Variants in NPLOC4 observed in about 807,000 individuals in gnomAD.
The protein encoded by NPLOC4 is NPL4 homolog, ubiquitin recognition factor.
A neutral mutation model predicts 80.6 loss-of-function variants in NPLOC4; 18 were observed. That is an observed-to-expected ratio of 0.22 (90% CI 0.15 to 0.33). The LOEUF (loss-of-function observed/expected upper bound fraction) is 0.33, where lower values mean the gene tolerates loss of function less well. Ranked by LOEUF, NPLOC4 falls within the 10% of genes least tolerant of loss-of-function variation. The probability of loss-of-function intolerance (pLI) is 1.00; values close to 1 mark genes in which losing one functional copy is unlikely to be tolerated. For synonymous variants in NPLOC4, 313 were observed against 301.5 expected, an observed-to-expected ratio of 1.04 and a Z score of -0.39; for missense variants, 540 against 786.1, an observed-to-expected ratio of 0.69 and a Z score of 3.74.
In NPLOC4 at chr17:81,567,491, A is replaced by G; in HGVS notation, c.1492T>C (p.Ser498Pro). ...LATYLSQNTSSVFLDTISDFH... is the reference protein window; with the variant it reads ...LATYLSQNTSPVFLDTISDFH... ...TCTGAGATGGTATCCAAGAACACAG[A>G]TGAGGTATTCTGAGACAAATAGGTG... is the stretch of plus-strand genomic sequence containing the variant. The change falls in exon 15 of 17, where the codon TCT becomes CCT. Residue 498 changes from serine to proline, a missense_variant. Physicochemically the swap from Ser to Pro is moderately conservative, Grantham distance 74. Coordinates refer to ENST00000331134, the MANE Select transcript of NPLOC4 (RefSeq NM_017921.4). This position sits in a 1 kb window ranked among gnomAD's most constrained non-coding sequence, Gnocchi z 4.5. 6.2e-7 allele frequency: 1 copy of G among 1,613,706 alleles called. No individual in the cohort carries two copies. Among genetic ancestry groups the G allele is most frequent in the Middle Eastern group, 1.6e-4 (1 of 6,062 alleles).
chr17:81,597,947 T>C (rs2034961515), intron 9 of NPLOC4, among the ~76,000 whole-genome samples: 2 of 150,420 alleles, frequency 1.3e-5, no homozygotes, highest in Admixed American at 1.3e-4. Flanking sequence ...AGAAAAAAAT[T>C]AGCCGGGCGT....
intron 8 of NPLOC4, among the ~76,000 whole-genome samples, chr17:81,602,920 T>TACAC (rs2035097596): frequency 2.3e-5 from 3 of 131,936 alleles, no homozygotes; most frequent in Non-Finnish European, 3.2e-5. Context: ...TATATGTATA[T>TACAC]ATACACACAC....
At chr17:81,612,462 G>A (rs984832577) in intron 4 of NPLOC4, among the ~76,000 whole-genome samples, 4 of 152,188 alleles carry the variant, frequency 2.6e-5, no homozygotes, top group South Asian at 2.1e-4. Flanking sequence ...GAGGCATGCC[G>A]GCTAATGGCT....
chr17:81,614,751 C>A (rs2035435318), intron 3 of NPLOC4, among the ~76,000 whole-genome samples: 1 of 152,210 alleles, frequency 6.6e-6, no homozygotes, highest in Admixed American at 6.5e-5. Context: ...TAACAAGCAT[C>A]TCCACTCACA....
intron 3 of NPLOC4, among the ~76,000 whole-genome samples, chr17:81,615,957 C>G (rs1407972891): frequency 6.6e-6 from 1 of 152,276 alleles, no homozygotes; most frequent in East Asian, 1.9e-4. Context: ...GAAATTAACT[C>G]AAAGGAGTTG....
intron 5 of NPLOC4, among the ~76,000 whole-genome samples, chr17:81,609,900 C>T (rs1451103223): frequency 6.6e-6 from 1 of 152,164 alleles, no homozygotes. Context: ...GCACGGAGGC[C>T]GACAGGCTCA....
chr17:81,593,341 C>T (rs761490925), intron 11 of NPLOC4, among the ~76,000 whole-genome samples: 1 of 152,080 alleles, frequency 6.6e-6, no homozygotes, highest in African/African-American at 2.4e-5. Flanking sequence ...CTGGACCCAG[C>T]CCTGTGCTCA....
chr17:81,588,930 T>A lies in NPLOC4; in HGVS notation c.1281+14A>T, dbSNP rs1568134551. 1 of 1,608,246 alleles carries A rather than the reference T, an allele frequency of 6.2e-7. No individual in the cohort carries two copies. Reference sequence around the variant, plus strand: ...TCTCCATGTACAGAGTTCTTTTTCTTACCATACTTTTACCTTATAAAACAC... The same window carrying A: ...TCTCCATGTACAGAGTTCTTTTTCTAACCATACTTTTACCTTATAAAACAC... On this transcript the variant is annotated intron_variant, in intron 12 of 16. Transcript: ENST00000331134.
At chr17:81,593,848 CCCCACGACAG>C (rs1165081340) in intron 11 of NPLOC4, among the ~76,000 whole-genome samples, 1 of 152,112 alleles carries the variant, frequency 6.6e-6, no homozygotes, top group Non-Finnish European at 1.5e-5. Context: ...ACCCTGAGTC[CCCCACGACAG>C]CACCCTTCCC....
chr17:81,631,441 T>A (rs1390622769), intron 1 of NPLOC4, among the ~76,000 whole-genome samples: 22,909 of 57,120 alleles, frequency 0.4, 2,776 homozygotes, highest in East Asian at 0.56. Flanking sequence ...TATATATTTT[T>A]TTTTTTTTTT....
At chr17:81,601,733 C>T (rs1323435161) in intron 8 of NPLOC4, among the ~76,000 whole-genome samples, 1 of 152,110 alleles carries the variant, frequency 6.6e-6, no homozygotes, top group Non-Finnish European at 1.5e-5. Context: ...TTTAAAAGAA[C>T]CATGGCAAAG....
At position 81,569,116 on chromosome 17, in the gene NPLOC4, TGAA is replaced by T; in HGVS notation, c.1354-8_1354-6del. Reference sequence around the variant, plus strand: ...CTTGGGGAAAGTTGTTGTGATCTAATGAAGAAAAACACAAACCCATGATAAATG... The same window carrying T: ...CTTGGGGAAAGTTGTTGTGATCTAATGAAAAACACAAACCCATGATAAATG... On this transcript the variant is annotated splice_polypyrimidine_tract_variant and splice_region_variant and intron_variant, in intron 13 of 16. Coordinates refer to ENST00000331134, the MANE Select transcript of NPLOC4 (RefSeq NM_017921.4). The T allele has an allele frequency of 6.3e-7, 1 of 1,597,406 alleles. No individual in the cohort carries two copies.
chr17:81,580,740 C>T lies in NPLOC4; in HGVS notation c.1281+8204G>A, dbSNP rs896241151. Among the ~76,000 whole-genome samples, 3 of 152,246 alleles carry T rather than the reference C, an allele frequency of 2.0e-5. No homozygotes were observed. Among genetic ancestry groups the T allele is most frequent in the Admixed American group, 2.0e-4 (3 of 15,292 alleles). On this transcript the variant is annotated intron_variant, in intron 12 of 16. Transcript: ENST00000331134. This position sits in a 1 kb window ranked among gnomAD's most constrained non-coding sequence, Gnocchi z 4.4. ...AGCAGTCTCCCCGATGCAGGGAGCC[C>T]TTCTCCATTCTCCATGAACTCCAGG...
At chr17:81,624,279 G>C (rs953528697) in intron 2 of NPLOC4, among the ~76,000 whole-genome samples, 6 of 152,152 alleles carry the variant, frequency 3.9e-5, no homozygotes, top group African/African-American at 1.4e-4. Flanking sequence ...TTAGCTAGGC[G>C]TGGTGGCGGA....
chr17:81,584,359 C>T (rs1598634800), intron 12 of NPLOC4, among the ~76,000 whole-genome samples: 1 of 152,294 alleles, frequency 6.6e-6, no homozygotes, highest in East Asian at 1.9e-4. Context: ...GGAAATGTCA[C>T]ATATTTCATG....
rs1049763383 is a variant in NPLOC4, at chr17:81,577,721, C to A, written c.1282-5633G>T. On this transcript the variant is annotated intron_variant, in intron 12 of 16. Transcript: ENST00000331134. The surrounding 1 kb of genome is among the most constrained non-coding windows in gnomAD (Gnocchi z 4.3). ...GGACTCACCATCCTCCCACACAGAC[C>A]CATGGCTCTACTCTGGCACCAGTGC... 6.6e-6 allele frequency among the ~76,000 whole-genome samples: 1 copy of A among 152,230 alleles called. No homozygotes were observed. The highest frequency in any genetic ancestry group is 1.5e-5 in the Non-Finnish European group (1 of 68,042).
intron 2 of NPLOC4, among the ~76,000 whole-genome samples, chr17:81,627,914 C>T (rs975601353): frequency 6.7e-6 from 1 of 148,906 alleles, no homozygotes; most frequent in African/African-American, 2.5e-5. Context: ...CCAGCCTGGG[C>T]GACAGAAAAA....
intron 11 of NPLOC4, among the ~76,000 whole-genome samples, chr17:81,592,781 C>T (rs574766118): frequency 3.3e-5 from 5 of 152,106 alleles, no homozygotes; most frequent in Non-Finnish European, 5.9e-5. Flanking sequence ...GCCAGAAGCT[C>T]GAGACCAGCC....
At chr17:81,602,980 TACACACACACACAC>T (rs150613321) in intron 8 of NPLOC4, among the ~76,000 whole-genome samples, 134 of 145,052 alleles carry the variant, frequency 9.2e-4, no homozygotes, top group Non-Finnish European at 1.6e-3. Flanking sequence ...TATACACAAA[TACACACACACACAC>T]ACACACACAC....
Sources: gnomAD v4.1 joint callset for allele counts (sites outside exome capture counted in the v4.1 genomes callset) on GRCh38, gnomAD v4.1.1 for gene constraint, Gnocchi (gnomAD v3.1) non-coding constraint, MANE v1.5 for transcripts, NCBI Gene and HGNC (gene_info 2026-07-23, HGNC 2026-07-21) for gene names.